FARP2: variants seen among roughly 807,000 people sequenced by gnomAD.
FARP2 encodes FERM, ARHGEF and pleckstrin domain-containing protein 2.
A neutral mutation model predicts 130.5 loss-of-function variants in FARP2; 111 were observed. That is an observed-to-expected ratio of 0.85 (90% CI 0.73 to 1.00). FARP2 has a LOEUF of 1.00. FARP2 is among the 50% of genes least tolerant of loss of function. FARP2 has a pLI of 0.00. For missense variants in FARP2, 1,385 were observed against 1,346.3 expected, an observed-to-expected ratio of 1.03 and a Z score of -0.45; for synonymous variants, 504 against 516.9, an observed-to-expected ratio of 0.98 and a Z score of 0.34.
chr2:241,468,517 C>T, intron 18 of FARP2, 140 bp downstream of exon 18: 1 of 662,102 alleles, frequency 1.5e-6, no homozygotes, highest in South Asian at 1.8e-5. Context: ...CAGTGGTCAG[C>T]ATTGGCCCTG....
chr2:241,374,305 C>A (rs1575467699), intron 2 of FARP2, among the ~76,000 whole-genome samples: 1 of 152,276 alleles, frequency 6.6e-6, no homozygotes, highest in East Asian at 1.9e-4. Flanking sequence ...GCCACCGTGC[C>A]CAGCCAAAAG....
intron 2 of FARP2, among the ~76,000 whole-genome samples, chr2:241,387,583 G>A (rs1218402499): frequency 3.3e-5 from 5 of 152,086 alleles, no homozygotes; most frequent in Non-Finnish European, 7.4e-5. Flanking sequence ...CACGAGGTCA[G>A]GAGATCGAGA....
chr2:241,401,171 G>A (rs1340449423), intron 2 of FARP2, among the ~76,000 whole-genome samples: 1 of 152,148 alleles, frequency 6.6e-6, no homozygotes, highest in Non-Finnish European at 1.5e-5. Context: ...CAATGGATTT[G>A]CAAGGTTTTA....
intron 2 of FARP2, among the ~76,000 whole-genome samples, chr2:241,402,233 A>G (rs1050651257): frequency 2.0e-5 from 3 of 152,218 alleles, no homozygotes; most frequent in Non-Finnish European, 2.9e-5. Context: ...GGTGTTTTCA[A>G]ATTATCAGGT....
chr2:241,415,789 G>A (rs1366670718), intron 7 of FARP2, among the ~76,000 whole-genome samples: 7 of 152,174 alleles, frequency 4.6e-5, no homozygotes, highest in Non-Finnish European at 1.0e-4. Flanking sequence ...TACAGGCCTG[G>A]GGAGGTAGGC....
At chr2:241,444,983 A>ATGG (rs2063479584) in intron 13 of FARP2, 1 of 152,218 alleles carries the variant, frequency 6.6e-6, no homozygotes, top group Admixed American at 6.5e-5. Context: ...AGGCTGGAGT[A>ATGG]TGGTGGCACA....
At chr2:241,465,956 GA>G in intron 17 of FARP2, 1 of 1,414,166 alleles carries the variant, frequency 7.1e-7, no homozygotes, top group Non-Finnish European at 9.2e-7. Context: ...GGTTGTTAAT[GA>G]GAAAGTTCTA....
chr2:241,481,644 A>C (rs1214138727), intron 19 of FARP2, among the ~76,000 whole-genome samples: 1 of 152,240 alleles, frequency 6.6e-6, no homozygotes, highest in Non-Finnish European at 1.5e-5. Flanking sequence ...TCCTGGAAGT[A>C]GGGCTCATGT....
At chr2:241,358,927 C>G (rs2061124262) in intron 1 of FARP2, among the ~76,000 whole-genome samples, 1 of 152,150 alleles carries the variant, frequency 6.6e-6, no homozygotes, top group South Asian at 2.1e-4. Flanking sequence ...CAGTATGTGG[C>G]AAAGATTTTG....
chr2:241,429,948 C>T (rs532945019), intron 8 of FARP2, among the ~76,000 whole-genome samples: 7 of 152,180 alleles, frequency 4.6e-5, no homozygotes, highest in African/African-American at 9.6e-5. Flanking sequence ...TTTTGTGGAG[C>T]GATACTTTGA....
rs368066035 is a variant in FARP2, at chr2:241,435,342, G to GT, written c.1100+313dup. On this transcript the variant is annotated intron_variant, in intron 11 of 26. Transcript: ENST00000264042. ...GCTGGTCTCAAACATGTGGGCTCAAGTAATCCTCCAACCTCAGCCTCCCAA... is the reference window on the plus strand; with the variant it reads ...GCTGGTCTCAAACATGTGGGCTCAAGTTAATCCTCCAACCTCAGCCTCCCAA... 9.2e-3 allele frequency among the ~76,000 whole-genome samples: 1,384 copies of GT among 150,918 alleles called. 23 individuals carry two copies. The highest frequency in any genetic ancestry group is 0.032 in the African/African-American group (1,330 of 41,164).
At chr2:241,464,063 CAGCGTCCCCTCAGAAA>C in intron 17 of FARP2, 83 bp downstream of exon 17, 1 of 1,150,446 alleles carries the variant, frequency 8.7e-7, no homozygotes, top group Non-Finnish European at 1.3e-6. Flanking sequence ...CCCGTCAGAA[CAGCGTCCCCTCAGAAA>C]AGGGTCCCCT....
At chr2:241,448,707 G>A (rs774099317) in intron 13 of FARP2, among the ~76,000 whole-genome samples, 8 of 152,224 alleles carry the variant, frequency 5.3e-5, no homozygotes, top group Admixed American at 1.3e-4. Flanking sequence ...AAAAGGTCTC[G>A]TTTATTTAGC....
intron 20 of FARP2, 48 bp downstream of exon 20, chr2:241,483,581 G>A (rs762205791): frequency 6.4e-7 from 1 of 1,564,252 alleles, no homozygotes; most frequent in Non-Finnish European, 8.8e-7. Flanking sequence ...AGGGGGATGG[G>A]CAGCAGTTCT....
At chr2:241,407,431 G>C in intron 4 of FARP2, 106 bp from the exon 5 acceptor site, 1 of 839,796 alleles carries the variant, frequency 1.2e-6, no homozygotes, top group Non-Finnish European at 2.0e-6. Flanking sequence ...AAGATTTGCT[G>C]TAACAGTCCA....
At chr2:241,360,559 A>G (rs1027977276) in intron 1 of FARP2, among the ~76,000 whole-genome samples, 2 of 151,902 alleles carry the variant, frequency 1.3e-5, no homozygotes, top group Non-Finnish European at 2.9e-5. Flanking sequence ...CTGTATTCCC[A>G]GCTTCTCAGG....
chr2:241,443,223 G>A (rs1177754010), intron 13 of FARP2: 2 of 163,140 alleles, frequency 1.2e-5, no homozygotes, highest in Non-Finnish European at 2.7e-5. Context: ...GGGGATGCCT[G>A]GAACTGTCCC....
chr2:241,493,454 C>T lies in FARP2; in HGVS notation c.3047+10C>T. ...AGTACACATTTGAAAGGTAATTTTG[C>T]AGGAGGCAGCCCTGGTCAGCTGCCC... On this transcript the variant is annotated intron_variant, in intron 26 of 26. Transcript: ENST00000264042. 1.2e-6 allele frequency: 2 copies of T among 1,613,222 alleles called. No individual in the cohort carries two copies. The highest frequency in any genetic ancestry group is 1.7e-6 in the Non-Finnish European group (2 of 1,179,574).
intron 5 of FARP2, among the ~76,000 whole-genome samples, chr2:241,409,601 C>G (rs1007146909): frequency 2.0e-5 from 3 of 152,148 alleles, no homozygotes; most frequent in African/African-American, 7.2e-5. Flanking sequence ...TCCATTTACT[C>G]AGCACCTTAT....
Sources: gnomAD v4.1 joint callset for allele counts (sites outside exome capture counted in the v4.1 genomes callset) on GRCh38, gnomAD v4.1.1 for gene constraint, MANE v1.5 for transcripts, NCBI Gene and HGNC (gene_info 2026-07-23, HGNC 2026-07-21) for gene names.